The following TBCK variants were observed in gnomAD, a reference collection of about 807,000 sequenced individuals.
The protein encoded by TBCK is TBC domain-containing protein kinase-like protein.
Under a neutral mutation model 113.4 loss-of-function variants are expected in TBCK, and 99 were observed. That is an observed-to-expected ratio of 0.87 (90% CI 0.74 to 1.03). The LOEUF is 1.03. TBCK is among the 50% of genes least tolerant of loss of function. TBCK has a pLI of 0.00. For missense variants in TBCK, 1,045 were observed against 1,061.3 expected (o/e 0.98, Z 0.21); for synonymous variants, 369 against 370.8 (o/e 1.00, Z 0.05).
intron 24 of TBCK, among the ~76,000 whole-genome samples, chr4:106,102,172 T>C (rs1477668660): frequency 6.6e-6 from 1 of 152,242 alleles, no homozygotes; most frequent in African/African-American, 2.4e-5. Context: ...CTTCTTATTC[T>C]AAAGTTTTGG....
chr4:106,278,337 T>C (rs1256860416), intron 3 of TBCK, among the ~76,000 whole-genome samples: 1 of 151,974 alleles, frequency 6.6e-6, no homozygotes, highest in Non-Finnish European at 1.5e-5. Context: ...GCAGGTGGAT[T>C]GCCTGAACTC....
intron 25 of TBCK, among the ~76,000 whole-genome samples, chr4:106,066,992 T>C (rs1038062926): frequency 6.6e-6 from 1 of 152,142 alleles, no homozygotes; most frequent in African/African-American, 2.4e-5. Flanking sequence ...ACAATATCTG[T>C]TTGAGTCCCT....
chr4:106,168,303 A>T (rs1750621486), intron 23 of TBCK, among the ~76,000 whole-genome samples: 1 of 151,912 alleles, frequency 6.6e-6, no homozygotes, highest in Non-Finnish European at 1.5e-5. Flanking sequence ...TGCATTCATG[A>T]TAAAAAATCT....
chr4:106,173,883 G>A (rs531717695), intron 22 of TBCK, among the ~76,000 whole-genome samples: 3 of 150,024 alleles, frequency 2.0e-5, no homozygotes, highest in Admixed American at 2.0e-4. Flanking sequence ...TATAATTATT[G>A]AGACAATGCA....
chr4:106,252,731 T>C (rs1464768061), intron 5 of TBCK, among the ~76,000 whole-genome samples: 1 of 152,090 alleles, frequency 6.6e-6, no homozygotes, highest in Non-Finnish European at 1.5e-5. Context: ...GACTATTACA[T>C]ATCCCACAAG....
At chr4:106,162,425 G>A (rs146009328) in intron 23 of TBCK, among the ~76,000 whole-genome samples, 2,496 of 152,228 alleles carry the variant, frequency 0.016, 31 homozygotes, top group Middle Eastern at 0.088. Context: ...GAGGATGGTG[G>A]CCCTCTTCTC....
At chr4:106,090,457 T>C (rs1458821830) in intron 25 of TBCK, among the ~76,000 whole-genome samples, 1 of 152,224 alleles carries the variant, frequency 6.6e-6, no homozygotes, top group African/African-American at 2.4e-5. Flanking sequence ...CCCATTGTCT[T>C]GGCTATTAGC....
intron 5 of TBCK, among the ~76,000 whole-genome samples, chr4:106,259,296 T>C (rs953471053): frequency 2.6e-5 from 4 of 151,872 alleles, no homozygotes; most frequent in African/African-American, 9.7e-5. Flanking sequence ...TTGAGTAACA[T>C]TCTGTTTGAA....
At position 106,161,697 on chromosome 4, in the gene TBCK, T is replaced by C. The variant is rs545411414; in HGVS notation, c.2235+9398A>G. 4.4e-5 allele frequency among the ~76,000 whole-genome samples: 6 copies of C among 137,376 alleles called. No individual in the cohort carries two copies. In the South Asian group the frequency reaches 1.4e-3, roughly 32 times the overall value. 90.1% of individuals were successfully genotyped at this position (137,376 alleles called of 152,430 possible). ...GCAGCTTGTTAACCAGAATTAGGTGTGTCTGTGTGTGTGTGTGTGTGTGTG... is the reference window on the plus strand; with the variant it reads ...GCAGCTTGTTAACCAGAATTAGGTGCGTCTGTGTGTGTGTGTGTGTGTGTG... On this transcript the variant is annotated intron_variant, in intron 23 of 25. Transcript: ENST00000394708.
At chr4:106,295,738 T>C (rs1249820607) in intron 2 of TBCK, among the ~76,000 whole-genome samples, 2 of 152,206 alleles carry the variant, frequency 1.3e-5, no homozygotes, top group East Asian at 1.9e-4. Flanking sequence ...AACTTTTGAC[T>C]GTCCCAAAAC....
chr4:106,186,481 T>A (rs150923677), intron 22 of TBCK, among the ~76,000 whole-genome samples: 6 of 152,234 alleles, frequency 3.9e-5, no homozygotes, highest in African/African-American at 1.4e-4. Context: ...TCTCTAATGA[T>A]TAGTGATGTT....
At chr4:106,306,021 T>C (rs1172679415) in intron 2 of TBCK, among the ~76,000 whole-genome samples, 1 of 152,106 alleles carries the variant, frequency 6.6e-6, no homozygotes, top group Non-Finnish European at 1.5e-5. Context: ...TCCTTCACTT[T>C]CCTAACAAAC....
intron 25 of TBCK, 85 bp from the exon 26 acceptor site, chr4:106,046,765 A>G: frequency 1.5e-6 from 1 of 646,152 alleles, no homozygotes; most frequent in Non-Finnish European, 2.6e-6. Context: ...TTGAAAGACA[A>G]AATTAATTTA....
chr4:106,048,990 C>A (rs1734508140), intron 25 of TBCK, among the ~76,000 whole-genome samples: 1 of 152,066 alleles, frequency 6.6e-6, no homozygotes, highest in African/African-American at 2.4e-5. Flanking sequence ...TGAAAAGAAG[C>A]AGGCTGTGTT....
intron 22 of TBCK, among the ~76,000 whole-genome samples, chr4:106,181,583 A>G (rs576569899): frequency 6.6e-6 from 1 of 152,306 alleles, no homozygotes; most frequent in African/African-American, 2.4e-5. Context: ...AGTTTTCTGC[A>G]TATGGCTAGC....
chr4:106,048,058 CCAGGACAAGT>C (rs1734409755), intron 25 of TBCK, among the ~76,000 whole-genome samples: 1 of 151,982 alleles, frequency 6.6e-6, no homozygotes, highest in Non-Finnish European at 1.5e-5. Context: ...AGTGGTTTGG[CCAGGACAAGT>C]TCAAGGCCTC....
At chr4:106,106,224 G>A (rs1213350120) in intron 24 of TBCK, among the ~76,000 whole-genome samples, 1 of 152,162 alleles carries the variant, frequency 6.6e-6, no homozygotes, top group Non-Finnish European at 1.5e-5. Flanking sequence ...ATGTATTTCA[G>A]GATATCTTCC....
intron 23 of TBCK, among the ~76,000 whole-genome samples, chr4:106,146,448 A>G (rs1214679734): frequency 6.6e-6 from 1 of 152,116 alleles, no homozygotes; most frequent in Non-Finnish European, 1.5e-5. Context: ...TTGAGGAGGG[A>G]GAGTGGAAAG....
At chr4:106,180,533 C>G (rs1375935536) in intron 22 of TBCK, among the ~76,000 whole-genome samples, 4 of 152,056 alleles carry the variant, frequency 2.6e-5, no homozygotes, top group African/African-American at 7.2e-5. Flanking sequence ...TATCCTTCCC[C>G]TAGCCCCCAC....
Sources: gnomAD v4.1 joint callset for allele counts (sites outside exome capture counted in the v4.1 genomes callset) on GRCh38, gnomAD v4.1.1 for gene constraint, MANE v1.5 for transcripts, NCBI Gene and HGNC (gene_info 2026-07-23, HGNC 2026-07-21) for gene names.